Variants in JAM3 observed in about 807,000 individuals in gnomAD.
JAM3 encodes junctional adhesion molecule C.
A neutral mutation model predicts 39.4 loss-of-function variants in JAM3; 31 were observed. The ratio of observed to expected loss-of-function variants is 0.79; its 90% CI spans 0.59 to 1.06. The LOEUF (loss-of-function observed/expected upper bound fraction) is 1.06, where lower values mean the gene tolerates loss of function less well. Ranked by LOEUF, JAM3 falls within the 50% of genes least tolerant of loss-of-function variation. The pLI, the probability that JAM3 is intolerant of heterozygous loss-of-function variation, is 0.00. For missense variants in JAM3, 455 were observed against 391.4 expected (o/e 1.16, Z -1.37); for synonymous variants, 182 against 148.7 (o/e 1.22, Z -1.63).
chr11:134,089,101 G>C (rs1941796589), intron 1 of JAM3, among the ~76,000 whole-genome samples: 1 of 152,162 alleles, frequency 6.6e-6, no homozygotes, highest in Non-Finnish European at 1.5e-5. Flanking sequence ...AGAGGATCTC[G>C]AATTGAATGT....
chr11:134,146,588 C>T (rs944444399), intron 6 of JAM3, among the ~76,000 whole-genome samples: 2 of 151,802 alleles, frequency 1.3e-5, no homozygotes, highest in Non-Finnish European at 2.9e-5. Flanking sequence ...CAAAAAACAC[C>T]ACAGGGTCTT....
At chr11:134,110,439 AAT>A (rs1333579087) in intron 1 of JAM3, among the ~76,000 whole-genome samples, 3 of 152,252 alleles carry the variant, frequency 2.0e-5, no homozygotes, top group African/African-American at 7.2e-5. Flanking sequence ...TATTTCCATA[AAT>A]GGAATATGAC....
chr11:134,119,304 C>T (rs1942492715), intron 1 of JAM3, among the ~76,000 whole-genome samples: 1 of 152,148 alleles, frequency 6.6e-6, no homozygotes, highest in Non-Finnish European at 1.5e-5. Flanking sequence ...GAAATAGCAC[C>T]TGCTTTGAGG....
At chr11:134,112,806 C>T (rs1942342488) in intron 1 of JAM3, among the ~76,000 whole-genome samples, 1 of 152,166 alleles carries the variant, frequency 6.6e-6, no homozygotes, top group Non-Finnish European at 1.5e-5. Context: ...AAGATAGCTG[C>T]CTTCATGTCG....
intron 1 of JAM3, among the ~76,000 whole-genome samples, chr11:134,107,990 C>G (rs1591786783): frequency 6.6e-6 from 1 of 151,388 alleles, no homozygotes; most frequent in Admixed American, 6.6e-5. Flanking sequence ...ACAAAAACAA[C>G]AGAAAAAAAC....
intron 1 of JAM3, among the ~76,000 whole-genome samples, chr11:134,111,941 C>T (rs1182794930): frequency 2.0e-5 from 3 of 152,182 alleles, no homozygotes; most frequent in Non-Finnish European, 4.4e-5. Context: ...GAAGTCCAGC[C>T]TCTCCACCTA....
At chr11:134,129,272 A>G (rs971383658) in intron 1 of JAM3, among the ~76,000 whole-genome samples, 1 of 151,922 alleles carries the variant, frequency 6.6e-6, no homozygotes, top group African/African-American at 2.4e-5. Context: ...ACCCGCCACC[A>G]TGCCTGGCTA....
rs1047438345 is a variant in JAM3, at chr11:134,151,634, C to T, written c.*2453C>T. ...TGTGACTCAAGACTCGAGGCCGATA[C>T]GAGGCTGTGATTCTGCCTTTGGATG... is the stretch of plus-strand genomic sequence containing the variant. On this transcript the variant is annotated 3_prime_UTR_variant, in exon 9 of 9. Coordinates refer to ENST00000299106, the MANE Select transcript of JAM3 (RefSeq NM_032801.5). 10 of 152,146 alleles carry T rather than the reference C, an allele frequency of 6.6e-5. No individual in the cohort carries two copies. The highest frequency in any genetic ancestry group is 2.2e-4 in the African/African-American group (9 of 41,412). 9.4% of individuals were successfully genotyped at this position (152,146 alleles called of 1,614,324 possible).
chr11:134,100,666 G>A (rs470461), intron 1 of JAM3, among the ~76,000 whole-genome samples: 17,624 of 152,074 alleles, frequency 0.12, 1,308 homozygotes, highest in East Asian at 0.3. Flanking sequence ...CATTCTCTGC[G>A]TCAGGTCCTG....
intron 1 of JAM3, among the ~76,000 whole-genome samples, chr11:134,133,024 A>G (rs900794949): frequency 2.0e-5 from 3 of 152,138 alleles, no homozygotes; most frequent in African/African-American, 7.2e-5. Flanking sequence ...TCTCTGACAA[A>G]TCTAAGAAGA....
intron 1 of JAM3, among the ~76,000 whole-genome samples, chr11:134,086,232 G>C (rs1306201682): frequency 6.6e-6 from 1 of 152,102 alleles, no homozygotes. Context: ...TCTGAGTTCT[G>C]AAGTATCATG....
chr11:134,077,135 T>C (rs1277048442), intron 1 of JAM3, among the ~76,000 whole-genome samples: 4 of 152,132 alleles, frequency 2.6e-5, no homozygotes, highest in African/African-American at 9.6e-5. Flanking sequence ...GCACCCGGCC[T>C]GTTTTTTGAT....
In JAM3 at chr11:134,140,606, G is replaced by A. The variant is rs137870582; in HGVS notation, c.143-51G>A. 4.9e-4 allele frequency: 717 copies of A among 1,471,210 alleles called. 3 individuals are homozygous for A. In the African/African-American group the frequency reaches 7.5e-3, roughly 15 times the overall value. The allele number at this position is 1,471,210 out of a possible 1,614,324, so 91.1% of individuals were successfully genotyped here. On this transcript the variant is annotated intron_variant, in intron 2 of 8. Transcript: ENST00000299106. ...TTGCAGGGTCTGGGTGCAGCTGAAC[G>A]TAGAAGCACTCCACATTCACCGAGA...
chr11:134,117,865 T>A (rs183798780), intron 1 of JAM3, among the ~76,000 whole-genome samples: 1 of 152,334 alleles, frequency 6.6e-6, no homozygotes, highest in Admixed American at 6.5e-5. Context: ...GAAGGCTAGT[T>A]CCATGTACCT....
At chr11:134,085,971 C>T (rs895092301) in intron 1 of JAM3, among the ~76,000 whole-genome samples, 1 of 152,102 alleles carries the variant, frequency 6.6e-6, no homozygotes, top group Non-Finnish European at 1.5e-5. Flanking sequence ...GTTTCTTTAT[C>T]TTTATTTTAA....
chr11:134,137,770 A>G (rs1942895936), intron 1 of JAM3, among the ~76,000 whole-genome samples: 1 of 66,090 alleles, frequency 1.5e-5, no homozygotes, highest in Non-Finnish European at 2.9e-5. Context: ...ACTGAGAGAA[A>G]TGTTTATGGC....
At chr11:134,142,751 G>A (rs1246402542) in intron 3 of JAM3, among the ~76,000 whole-genome samples, 1 of 151,898 alleles carries the variant, frequency 6.6e-6, no homozygotes, top group African/African-American at 2.4e-5. Context: ...CACAGAGAAA[G>A]CCCGTACCCA....
intron 1 of JAM3, among the ~76,000 whole-genome samples, chr11:134,072,824 C>T (rs1336850232): frequency 5.3e-5 from 8 of 152,088 alleles, no homozygotes; most frequent in African/African-American, 1.4e-4. Context: ...GCAGGAGAAT[C>T]GCTTGAACCC....
intron 1 of JAM3, among the ~76,000 whole-genome samples, chr11:134,122,772 C>T (rs897142807): frequency 6.6e-5 from 10 of 152,148 alleles, no homozygotes; most frequent in Non-Finnish European, 1.0e-4. Flanking sequence ...TTTCTTTGAC[C>T]GTTTCTGAAC....
Sources: gnomAD v4.1 joint callset for allele counts (sites outside exome capture counted in the v4.1 genomes callset) on GRCh38, gnomAD v4.1.1 for gene constraint, MANE v1.5 for transcripts, NCBI Gene and HGNC (gene_info 2026-07-23, HGNC 2026-07-21) for gene names.